ZFAND3: variants seen among roughly 807,000 people sequenced by gnomAD.
ZFAND3 encodes the protein AN1-type zinc finger protein 3.
Under a neutral mutation model 29.6 loss-of-function variants are expected in ZFAND3, and 10 were observed. The observed-to-expected ratio is 0.34, with a 90% CI of 0.21 to 0.57. The LOEUF (loss-of-function observed/expected upper bound fraction) is 0.57, where lower values mean the gene tolerates loss of function less well. Among genes scored for constraint, ZFAND3 ranks in the 20% least tolerant of loss-of-function variants. ZFAND3 has a pLI of 0.86. For missense variants in ZFAND3, 230 were observed against 304.5 expected, an observed-to-expected ratio of 0.76 and a Z score of 1.82; for synonymous variants, 128 against 112.6, an observed-to-expected ratio of 1.14 and a Z score of -0.87.
intron 2 of ZFAND3, among the ~76,000 whole-genome samples, chr6:38,013,984 A>T (rs1401281231): frequency 1.3e-5 from 2 of 152,240 alleles, no homozygotes; most frequent in African/African-American, 4.8e-5. Context: ...TTTTGATGGC[A>T]TAAGACCTAC....
chr6:37,958,534 T>C (rs1762141387), intron 2 of ZFAND3, among the ~76,000 whole-genome samples: 1 of 152,038 alleles, frequency 6.6e-6, no homozygotes, highest in Non-Finnish European at 1.5e-5. Flanking sequence ...AAAATAATGC[T>C]GTATTTCTGC....
chr6:38,040,562 CAT>C (rs1325686666), intron 2 of ZFAND3, among the ~76,000 whole-genome samples: 5 of 152,132 alleles, frequency 3.3e-5, no homozygotes, highest in African/African-American at 9.7e-5. Context: ...CATTTAAAAA[CAT>C]AAATCTTTTA....
At chr6:37,981,211 A>G (rs1024766459) in intron 2 of ZFAND3, among the ~76,000 whole-genome samples, 13 of 152,174 alleles carry the variant, frequency 8.5e-5, no homozygotes, top group Non-Finnish European at 2.9e-5. Flanking sequence ...CTGACTTAGG[A>G]TGGTATTTTC....
chr6:37,870,747 G>A (rs1398432941), intron 1 of ZFAND3, among the ~76,000 whole-genome samples: 4 of 152,064 alleles, frequency 2.6e-5, no homozygotes, highest in Admixed American at 2.6e-4. Context: ...GCAGTGGTGC[G>A]ATTATAGCTC....
intron 5 of ZFAND3, among the ~76,000 whole-genome samples, chr6:38,138,410 C>T (rs1354054679): frequency 1.4e-5 from 2 of 141,218 alleles, no homozygotes; most frequent in Non-Finnish European, 3.2e-5. Flanking sequence ...AAGTACATCT[C>T]AGGTCAATTT....
Position 38,154,524 on chromosome 6 carries a change from A to T in ZFAND3, c.*2135A>T. 1 of 980,896 alleles carries T rather than the reference A, an allele frequency of 1.0e-6. No individual in the cohort carries two copies. The highest frequency in any genetic ancestry group is 1.2e-6 in the Non-Finnish European group (1 of 825,410). 60.8% of individuals were successfully genotyped at this position (980,896 alleles called of 1,614,324 possible). A position where few individuals can be genotyped will look rare whatever the true frequency, so the allele number is the denominator to read the frequency against. ...AGATTTACTTACACACATAGCCTAGAGCTCAGTTTTAGTTTTAACATTGTG... is the reference window on the plus strand; with the variant it reads ...AGATTTACTTACACACATAGCCTAGTGCTCAGTTTTAGTTTTAACATTGTG... On this transcript the variant is annotated 3_prime_UTR_variant, in exon 6 of 6. Transcript: ENST00000287218.
At chr6:38,085,544 A>G (rs185600116) in intron 4 of ZFAND3, among the ~76,000 whole-genome samples, 12 of 152,266 alleles carry the variant, frequency 7.9e-5, no homozygotes, top group Admixed American at 5.9e-4. Flanking sequence ...CTTAATTTAT[A>G]TTTTGCAAAT....
intron 1 of ZFAND3, among the ~76,000 whole-genome samples, chr6:37,850,229 A>G (rs1458060302): frequency 6.6e-6 from 1 of 152,226 alleles, no homozygotes; most frequent in African/African-American, 2.4e-5. Flanking sequence ...GAAGCTCTTT[A>G]GAGCCAGTCA....
intron 5 of ZFAND3, among the ~76,000 whole-genome samples, chr6:38,134,065 C>G (rs1765795647): frequency 6.6e-6 from 1 of 152,186 alleles, no homozygotes; most frequent in African/African-American, 2.4e-5. Flanking sequence ...GTGAGAACCA[C>G]TTAAGATGGG....
chr6:37,964,059 T>C (rs1004560578), intron 2 of ZFAND3, among the ~76,000 whole-genome samples: 3 of 152,208 alleles, frequency 2.0e-5, no homozygotes, highest in African/African-American at 7.2e-5. Flanking sequence ...TCCTTCTGTT[T>C]CATTCTTTTT....
chr6:38,072,144 C>T (rs201639933), intron 3 of ZFAND3, among the ~76,000 whole-genome samples: 2 of 147,522 alleles, frequency 1.4e-5, no homozygotes, highest in African/African-American at 4.9e-5. Context: ...GTTTCTCTCT[C>T]TCTCTCTCTC....
At chr6:37,949,734 A>G (rs947670188) in intron 2 of ZFAND3, among the ~76,000 whole-genome samples, 1 of 152,232 alleles carries the variant, frequency 6.6e-6, no homozygotes, top group Non-Finnish European at 1.5e-5. Flanking sequence ...AAAGAGGTAC[A>G]TAGGGTGAGG....
At chr6:37,984,203 A>G (rs1227307161) in intron 2 of ZFAND3, among the ~76,000 whole-genome samples, 1 of 152,248 alleles carries the variant, frequency 6.6e-6, no homozygotes, top group Non-Finnish European at 1.5e-5. Context: ...CAATATGGTA[A>G]TTGCAAGATA....
chr6:38,049,960 TTTTTTTTTGG>T (rs1245565112), intron 2 of ZFAND3, among the ~76,000 whole-genome samples: 13,951 of 33,494 alleles, frequency 0.42, 1,440 homozygotes, highest in Non-Finnish European at 0.52. Context: ...TTTTTTTTTT[TTTTTTTTTGG>T]GGGAGACAGA....
At chr6:37,876,992 C>T (rs1420741295) in intron 1 of ZFAND3, among the ~76,000 whole-genome samples, 1 of 152,164 alleles carries the variant, frequency 6.6e-6, no homozygotes, top group African/African-American at 2.4e-5. Flanking sequence ...CAATCATTTC[C>T]TTGAGTGACA....
intron 5 of ZFAND3, among the ~76,000 whole-genome samples, chr6:38,147,234 A>G (rs1766129717): frequency 6.6e-6 from 1 of 152,230 alleles, no homozygotes; most frequent in Admixed American, 6.5e-5. Flanking sequence ...ATAAGTGAGA[A>G]CATGGGATAT....
chr6:37,918,413 G>T (rs1761304947), intron 1 of ZFAND3, among the ~76,000 whole-genome samples: 1 of 152,104 alleles, frequency 6.6e-6, no homozygotes, highest in South Asian at 2.1e-4. Flanking sequence ...CCAGCTTCTA[G>T]AAGTACCTTG....
chr6:37,973,437 G>T (rs1172785680), intron 2 of ZFAND3, among the ~76,000 whole-genome samples: 5 of 152,186 alleles, frequency 3.3e-5, no homozygotes. Flanking sequence ...TCTAAACTTG[G>T]TTACTGTGGA....
rs906362748 is a variant in ZFAND3, at chr6:37,994,789, A to G, written c.112+64790A>G. Among the ~76,000 whole-genome samples, 5 of 152,310 alleles carry G rather than the reference A, an allele frequency of 3.3e-5. No homozygotes were observed. In the East Asian group the frequency reaches 9.6e-4, roughly 29 times the overall value. On this transcript the variant is annotated intron_variant, in intron 2 of 5. Coordinates refer to ENST00000287218, the MANE Select transcript of ZFAND3 (RefSeq NM_021943.3). ...GAAGATTTACCAAGGATATAAGGCC[A>G]GATTTTTGCAGGTGCTGTTGTGTGT...
Sources: allele counts gnomAD v4.1 joint callset (sites outside exome capture counted in the v4.1 genomes callset), GRCh38; gene constraint gnomAD v4.1.1; transcripts MANE v1.5; gene names NCBI Gene and HGNC (gene_info 2026-07-23, HGNC 2026-07-21).